NLGN1: variants seen among roughly 807,000 people sequenced by gnomAD.
The protein encoded by NLGN1 is neuroligin-1.
NLGN1 carries 12 observed loss-of-function variants against 65.5 expected under a neutral mutation model. That is an observed-to-expected ratio of 0.18 (90% CI 0.12 to 0.30). The LOEUF (loss-of-function observed/expected upper bound fraction) is 0.30. NLGN1 is among the 10% of genes least tolerant of loss of function. NLGN1 has a pLI of 1.00. For missense variants in NLGN1, 750 were observed against 1,007.1 expected (o/e 0.74, Z 3.46); for synonymous variants, 350 against 359.5 (o/e 0.97, Z 0.30).
chr3:174,253,211 C>T (rs771185932), intron 4 of NLGN1, among the ~76,000 whole-genome samples: 2 of 151,998 alleles, frequency 1.3e-5, no homozygotes, highest in Admixed American at 6.6e-5. Context: ...GAATTCTGTA[C>T]TTGTATACTT....
chr3:173,955,246 A>G (rs574497840), intron 4 of NLGN1, among the ~76,000 whole-genome samples: 2 of 152,336 alleles, frequency 1.3e-5, no homozygotes, highest in South Asian at 2.1e-4. Flanking sequence ...AAATAAGTCA[A>G]TGGGCAAAAT....
At chr3:173,587,420 C>G (rs1747674598) in intron 2 of NLGN1, among the ~76,000 whole-genome samples, 1 of 152,208 alleles carries the variant, frequency 6.6e-6, no homozygotes, top group African/African-American at 2.4e-5. Flanking sequence ...ATATACAAAA[C>G]TACACACCAA....
intron 4 of NLGN1, among the ~76,000 whole-genome samples, chr3:174,264,284 A>G (rs1243201145): frequency 6.6e-6 from 1 of 150,824 alleles, no homozygotes; most frequent in African/African-American, 2.4e-5. Context: ...GTGTTTTCCA[A>G]CTTGGTTCCA....
At chr3:173,426,067 AG>A (rs1169521612) in intron 1 of NLGN1, among the ~76,000 whole-genome samples, 1 of 151,802 alleles carries the variant, frequency 6.6e-6, no homozygotes, top group Non-Finnish European at 1.5e-5. Context: ...ATTTATTCCT[AG>A]GTATTTTATT....
chr3:173,811,947 A>G (rs1448591225), intron 4 of NLGN1, among the ~76,000 whole-genome samples: 1 of 152,182 alleles, frequency 6.6e-6, no homozygotes, highest in African/African-American at 2.4e-5. Flanking sequence ...TGAGGATCTT[A>G]CTTGGGCAAA....
intron 4 of NLGN1, among the ~76,000 whole-genome samples, chr3:174,043,732 G>T (rs1411999953): frequency 6.6e-6 from 1 of 152,200 alleles, no homozygotes; most frequent in Non-Finnish European, 1.5e-5. Context: ...GGCTTTTCCA[G>T]GCACACAGTG....
Position 173,680,738 on chromosome 3 carries a change from C to T in NLGN1, c.493+75647C>T, listed in dbSNP as rs553994031. On this transcript the variant is annotated intron_variant, in intron 3 of 6. Coordinates refer to ENST00000457714, the Ensembl canonical transcript of NLGN1. ...GGACATTGGTTGACAAGTTGAACCT[C>T]AGTCACTAGGGACCATGGATGGAAA... Among the ~76,000 whole-genome samples, 12 of 152,232 alleles carry T rather than the reference C, an allele frequency of 7.9e-5. No homozygotes were observed. The South Asian group carries it at 2.5e-3, about 32-fold the overall frequency.
At chr3:173,643,596 C>G (rs1757743747) in intron 3 of NLGN1, among the ~76,000 whole-genome samples, 1 of 152,184 alleles carries the variant, frequency 6.6e-6, no homozygotes, top group African/African-American at 2.4e-5. Flanking sequence ...ACAATGGAAA[C>G]AGATGCTCAT....
At chr3:174,025,093 A>C (rs566227039) in intron 4 of NLGN1, among the ~76,000 whole-genome samples, 1 of 152,304 alleles carries the variant, frequency 6.6e-6, no homozygotes, top group East Asian at 1.9e-4. Context: ...AAAATGCTTT[A>C]ACAATATTTA....
At chr3:173,445,860 C>T (rs1720172767) in intron 2 of NLGN1, among the ~76,000 whole-genome samples, 1 of 152,150 alleles carries the variant, frequency 6.6e-6, no homozygotes, top group South Asian at 2.1e-4. Flanking sequence ...TTAGCAGAAC[C>T]TGGCAATATG....
intron 4 of NLGN1, among the ~76,000 whole-genome samples, chr3:174,002,071 A>AG (rs1723411633): frequency 6.7e-6 from 1 of 150,282 alleles, no homozygotes; most frequent in Non-Finnish European, 1.5e-5. Flanking sequence ...AAAAAAAAAA[A>AG]CAAGATTAGG....
At chr3:173,460,827 T>C (rs114397992) in intron 2 of NLGN1, among the ~76,000 whole-genome samples, 393 of 152,236 alleles carry the variant, frequency 2.6e-3, no homozygotes, top group Non-Finnish European at 4.8e-3. Context: ...GGAATAAGCA[T>C]TGGACCTAGT....
rs545964079 is a variant in NLGN1 at position 173,863,122 on chromosome 3, A to T, written c.646+55290A>T. ...AAAACTGTTCAGAGATAGCAATGTG[A>T]GCGATGGCTGATAAAAAAAAAAAAA... On this transcript the variant is annotated intron_variant, in intron 4 of 6. Coordinates refer to ENST00000457714, the Ensembl canonical transcript of NLGN1. Among the ~76,000 whole-genome samples the T allele has an allele frequency of 2.6e-5, 4 of 152,034 alleles. No homozygotes were observed. The South Asian group carries it at 8.3e-4, about 32-fold the overall frequency.
At chr3:174,250,179 T>G (rs1247012720) in intron 4 of NLGN1, among the ~76,000 whole-genome samples, 3 of 152,240 alleles carry the variant, frequency 2.0e-5, no homozygotes, top group Non-Finnish European at 4.4e-5. Context: ...AACTCTTATC[T>G]TCTAATCAGG....
intron 2 of NLGN1, among the ~76,000 whole-genome samples, chr3:173,567,321 A>G (rs1034292994): frequency 6.6e-6 from 1 of 152,116 alleles, no homozygotes; most frequent in Non-Finnish European, 1.5e-5. Flanking sequence ...CATACATTTA[A>G]TTGGAAATAG....
chr3:173,871,128 A>G (rs925794142), intron 4 of NLGN1, among the ~76,000 whole-genome samples: 2 of 152,112 alleles, frequency 1.3e-5, no homozygotes, highest in African/African-American at 4.8e-5. Flanking sequence ...CAGGGTTCAG[A>G]GAGTTTCTGG....
chr3:174,283,390 ATGT>A, exon 7 of NLGN1: 1 of 151,680 alleles, frequency 6.6e-6, no homozygotes, highest in Middle Eastern at 3.4e-3. Flanking sequence ...TTAGGTACAG[ATGT>A]TGTAGAAATA....
At chr3:173,629,252 C>T (rs1256929032) in intron 3 of NLGN1, among the ~76,000 whole-genome samples, 2 of 151,866 alleles carry the variant, frequency 1.3e-5, no homozygotes, top group Non-Finnish European at 2.9e-5. Flanking sequence ...TTGATTTAAT[C>T]TTCATTAGGC....
intron 1 of NLGN1, among the ~76,000 whole-genome samples, chr3:173,419,052 TTTG>T (rs1714449470): frequency 1.6e-5 from 2 of 122,028 alleles, no homozygotes; most frequent in African/African-American, 6.2e-5. Flanking sequence ...TTTTTTTTTT[TTTG>T]CTCATCAGCC....
Sources: gnomAD v4.1 joint callset for allele counts (sites outside exome capture counted in the v4.1 genomes callset) on GRCh38, gnomAD v4.1.1 for gene constraint, MANE v1.5 for transcripts, NCBI Gene and HGNC (gene_info 2026-07-23, HGNC 2026-07-21) for gene names.